The following GTF2H3 variants were observed in gnomAD, a reference collection of about 807,000 sequenced individuals.
GTF2H3 encodes the protein TFIIH basal transcription factor complex p34 subunit.
A neutral mutation model predicts 51.1 loss-of-function variants in GTF2H3; 42 were observed. That is an observed-to-expected ratio of 0.82 (90% CI 0.64 to 1.06). The LOEUF (loss-of-function observed/expected upper bound fraction) is 1.06. Ranked by LOEUF, GTF2H3 falls within the 50% of genes least tolerant of loss-of-function variation. The probability of loss-of-function intolerance (pLI) is 0.00; values close to 1 mark genes in which losing one functional copy is unlikely to be tolerated. For missense variants in GTF2H3, 326 were observed against 366.1 expected, an observed-to-expected ratio of 0.89 and a Z score of 0.89; for synonymous variants, 123 against 123.8, an observed-to-expected ratio of 0.99 and a Z score of 0.04.
intron 9 of GTF2H3, among the ~76,000 whole-genome samples, chr12:123,658,532 A>G (rs905216890): frequency 6.6e-6 from 1 of 152,114 alleles, no homozygotes; most frequent in Non-Finnish European, 1.5e-5. Context: ...GGGTTTCACT[A>G]TGTTGCTCAG....
intron 5 of GTF2H3, among the ~76,000 whole-genome samples, chr12:123,651,541 C>A (rs1015983589): frequency 6.6e-6 from 1 of 151,098 alleles, no homozygotes; most frequent in African/African-American, 2.4e-5. Context: ...CTGTAAAGGC[C>A]GGGCGTGGTG....
chr12:123,651,345 G>T (rs1243131334), intron 5 of GTF2H3, among the ~76,000 whole-genome samples: 1 of 151,976 alleles, frequency 6.6e-6, no homozygotes, highest in Non-Finnish European at 1.5e-5. Flanking sequence ...CAAGTAGCTG[G>T]TACAGGCACC....
chr12:123,660,398 G>A lies in GTF2H3; in HGVS notation c.*163G>A, dbSNP rs1955642584. The A allele has an allele frequency of 1.8e-6, 1 of 555,022 alleles. No individual in the cohort carries two copies. Among genetic ancestry groups the A allele is most frequent in the Admixed American group, 3.3e-5 (1 of 30,156 alleles). The allele number at this position is 555,022 out of a possible 1,614,324, so 34.4% of individuals were successfully genotyped here. A position where few individuals can be genotyped will look rare whatever the true frequency, so the allele number is the denominator to read the frequency against. ...ACATCCTTTTCATCCTGTGCTTCTG[G>A]AGGACTGATTTGTTTGAGGGAATCA... is the stretch of plus-strand genomic sequence containing the variant. On this transcript the variant is annotated 3_prime_UTR_variant, in exon 13 of 13. Coordinates refer to ENST00000543341, the MANE Select transcript of GTF2H3 (RefSeq NM_001516.5).
At chr12:123,643,451 A>G (rs1687753764) in intron 2 of GTF2H3, among the ~76,000 whole-genome samples, 1 of 152,190 alleles carries the variant, frequency 6.6e-6, no homozygotes, top group African/African-American at 2.4e-5. Context: ...CTGCGTTTGC[A>G]CTCATCAGTG....
At chr12:123,658,628 G>A (rs1242484827) in intron 9 of GTF2H3, among the ~76,000 whole-genome samples, 1 of 151,774 alleles carries the variant, frequency 6.6e-6, no homozygotes, top group Non-Finnish European at 1.5e-5. Context: ...CACTGCACCT[G>A]GACAAAAAAG....
intron 3 of GTF2H3, among the ~76,000 whole-genome samples, chr12:123,646,922 C>T (rs985913924): frequency 6.7e-6 from 1 of 150,348 alleles, no homozygotes; most frequent in Admixed American, 6.7e-5. Flanking sequence ...GAGGCCGAGG[C>T]GGGCGGATCA....
rs765405559 is a variant in GTF2H3, at chr12:123,639,250, G to T, written c.14-14G>T. On this transcript the variant is annotated splice_polypyrimidine_tract_variant and intron_variant, in intron 1 of 12. Coordinates refer to ENST00000543341, the MANE Select transcript of GTF2H3 (RefSeq NM_001516.5). ...GCTAATGTTTTAAATTTTATTTCTT[G>T]TTAATATTTTCAGAAGATGAATTGA... 7.8e-7 allele frequency: 1 copy of T among 1,285,706 alleles called. No individual in the cohort carries two copies. Among genetic ancestry groups the T allele is most frequent in the Admixed American group, 1.8e-5 (1 of 55,686 alleles). The allele number at this position is 1,285,706 out of a possible 1,614,324, so 79.6% of individuals were successfully genotyped here. A position where few individuals can be genotyped will look rare whatever the true frequency, so the allele number is the denominator to read the frequency against.
chr12:123,639,178 A>G (rs1285093840), intron 1 of GTF2H3, 86 bp from the exon 2 acceptor site: 4 of 716,338 alleles, frequency 5.6e-6, no homozygotes. Flanking sequence ...GGTGCTCTGG[A>G]TTTAATTTAT....
chr12:123,639,417 C>CTT (rs1955335857), intron 2 of GTF2H3, 74 bp downstream of exon 2: 1 of 744,808 alleles, frequency 1.3e-6, no homozygotes, highest in African/African-American at 1.8e-5. Flanking sequence ...TAAAAAATGG[C>CTT]TTTATTAAAG....
Position 123,651,920 on chromosome 12 carries a change from C to G in GTF2H3, c.428-612C>G, listed in dbSNP as rs547898304. On this transcript the variant is annotated intron_variant, in intron 5 of 12. Coordinates refer to ENST00000543341, the MANE Select transcript of GTF2H3 (RefSeq NM_001516.5). ...ATTATGTCTTTCTGCCTTCAGGAAA[C>G]ACTGCTTCAGGGTGCTTTCTTGTTT... Among the ~76,000 whole-genome samples the G allele has an allele frequency of 2.4e-4, 36 of 151,896 alleles. No homozygotes were observed. In the Middle Eastern group the frequency reaches 0.01, roughly 43 times the overall value.
At chr12:123,659,415 C>T in intron 9 of GTF2H3, 101 bp from the exon 10 acceptor site, 1 of 794,374 alleles carries the variant, frequency 1.3e-6, no homozygotes, top group Non-Finnish European at 2.2e-6. Flanking sequence ...GTCATATCCT[C>T]CTCTGATTTT....
intron 5 of GTF2H3, among the ~76,000 whole-genome samples, chr12:123,651,521 T>C (rs1955520330): frequency 6.6e-6 from 1 of 151,970 alleles, no homozygotes; most frequent in Non-Finnish European, 1.5e-5. Flanking sequence ...GAAATGTTTA[T>C]TAAGACAAGC....
intron 2 of GTF2H3, among the ~76,000 whole-genome samples, chr12:123,639,579 C>T (rs1955338655): frequency 6.6e-6 from 1 of 152,184 alleles, no homozygotes; most frequent in African/African-American, 2.4e-5. Context: ...CAGTCAATCC[C>T]TGCTTCTATC....
At chr12:123,651,280 G>A (rs1473955830) in intron 5 of GTF2H3, 19 of 359,114 alleles carry the variant, frequency 5.3e-5, no homozygotes, top group Non-Finnish European at 6.2e-5. Context: ...GCACAATCTC[G>A]GCTCACTGCA....
chr12:123,656,572 A>G (rs984187522), intron 9 of GTF2H3, among the ~76,000 whole-genome samples: 1 of 152,134 alleles, frequency 6.6e-6, no homozygotes, highest in East Asian at 1.9e-4. Flanking sequence ...CCGTGTACGT[A>G]GTACCTCCTC....
At chr12:123,650,013 A>G (rs916238151) in intron 4 of GTF2H3, 17 of 152,144 alleles carry the variant, frequency 1.1e-4, no homozygotes, top group African/African-American at 3.9e-4. Context: ...TTTCTATTAC[A>G]GTGCCAGGTG....
intron 2 of GTF2H3, 147 bp from the exon 3 acceptor site, chr12:123,645,308 A>G (rs767227857): frequency 1.7e-6 from 1 of 594,144 alleles, no homozygotes. Flanking sequence ...GAACTCAAGC[A>G]GTCCTCCCAC....
intron 1 of GTF2H3, among the ~76,000 whole-genome samples, chr12:123,638,854 G>A (rs1955326507): frequency 6.9e-6 from 1 of 144,808 alleles, no homozygotes; most frequent in African/African-American, 2.6e-5. Flanking sequence ...GGAGTGCAGT[G>A]GCGTGATCTC....
At chr12:123,656,348 A>G (rs1381333597) in intron 9 of GTF2H3, among the ~76,000 whole-genome samples, 1 of 152,346 alleles carries the variant, frequency 6.6e-6, no homozygotes, top group South Asian at 2.1e-4. Flanking sequence ...CATTATGTAT[A>G]CAGACTCTTG....
Sources: allele counts gnomAD v4.1 joint callset (sites outside exome capture counted in the v4.1 genomes callset), GRCh38; gene constraint gnomAD v4.1.1; transcripts MANE v1.5; gene names NCBI Gene and HGNC (gene_info 2026-07-23, HGNC 2026-07-21).